UTS2B: variants seen among roughly 807,000 people sequenced by gnomAD.
The protein encoded by UTS2B is urotensin 2B, also known as urotensin-2B.
Under a neutral mutation model 19.2 loss-of-function variants are expected in UTS2B, and 21 were observed. The observed-to-expected ratio is 1.09, with a 90% CI of 0.78 to 1.58. UTS2B has a LOEUF of 1.58. UTS2B is among the 40% of genes most tolerant of loss of function. The pLI is 0.00. For synonymous variants in UTS2B, 57 were observed against 50.2 expected (o/e 1.14, Z -0.58); for missense variants, 138 against 130.3 (o/e 1.06, Z -0.29).
chr3:191,282,063 G>A (rs763233595), intron 5 of UTS2B, 24 bp downstream of exon 5: 2 of 1,518,770 alleles, frequency 1.3e-6, no homozygotes, highest in Admixed American at 3.7e-5. Flanking sequence ...CCACCTGTAG[G>A]ATTTTTAATT....
At position 191,267,204 on chromosome 3, in the gene UTS2B, A is replaced by G. The variant is rs1715958235; in HGVS notation, c.*1212T>C. ...ATGTTTTAATTAATAGTTCAACAGC[A>G]TAGTCACAACAGGACAAAACTTTAC... On this transcript the variant is annotated 3_prime_UTR_variant, in exon 9 of 9. Transcript: ENST00000340524. 1 of 152,260 alleles carries G rather than the reference A, an allele frequency of 6.6e-6. No individual in the cohort carries two copies. The highest frequency in any genetic ancestry group is 2.1e-4 in the South Asian group (1 of 4,836). The allele number at this position is 152,260 out of a possible 1,614,324, so 9.4% of individuals were successfully genotyped here. A position where few individuals can be genotyped will look rare whatever the true frequency, so the allele number is the denominator to read the frequency against.
At chr3:191,315,013 ATTTT>A (rs796258238) in intron 3 of UTS2B, among the ~76,000 whole-genome samples, 4 of 143,512 alleles carry the variant, frequency 2.8e-5, no homozygotes, top group African/African-American at 5.1e-5. Context: ...CCACCCTAGA[ATTTT>A]TTTTTTTTTT....
chr3:191,343,154 C>A, the UTS2B span, among the ~76,000 whole-genome samples: 3,916 of 152,202 alleles, frequency 0.026, 151 homozygotes, highest in African/African-American at 0.09. Flanking sequence ...GAGTATGCAC[C>A]TATTTTGGTA....
the UTS2B span, among the ~76,000 whole-genome samples, chr3:191,345,670 C>G: frequency 1.3e-5 from 2 of 152,136 alleles, no homozygotes; most frequent in Non-Finnish European, 2.9e-5. Context: ...TTAGCCATAA[C>G]ATATCTACTT....
At position 191,282,250 on chromosome 3, in the gene UTS2B, C is replaced by T; in HGVS notation, c.-61G>A. The T allele has an allele frequency of 7.6e-7, 1 of 1,310,460 alleles. No individual in the cohort carries two copies. The highest frequency in any genetic ancestry group is 1.1e-6 in the Non-Finnish European group (1 of 935,696). The allele number at this position is 1,310,460 out of a possible 1,614,324, so 81.2% of individuals were successfully genotyped here. On this transcript the variant is annotated 5_prime_UTR_variant, in exon 5 of 9. Coordinates refer to ENST00000340524, the MANE Select transcript of UTS2B (RefSeq NM_198152.5). ...ACTTTCCAGGTCAAGATGGATATTT[C>T]TATAGCTTTGGAATTCAGTAGAGCT...
At chr3:191,283,389 C>T (rs1454440030) in intron 4 of UTS2B, among the ~76,000 whole-genome samples, 1 of 152,170 alleles carries the variant, frequency 6.6e-6, no homozygotes, top group Non-Finnish European at 1.5e-5. Flanking sequence ...TGATCAAATG[C>T]CACCAGAACT....
chr3:191,291,731 C>T (rs1009322624), intron 4 of UTS2B, among the ~76,000 whole-genome samples: 4 of 152,126 alleles, frequency 2.6e-5, no homozygotes, highest in African/African-American at 9.7e-5. Flanking sequence ...GGATTACATG[C>T]GTGAGCCACC....
intron 8 of UTS2B, chr3:191,273,452 ATG>A: frequency 2.2e-6 from 1 of 456,552 alleles, no homozygotes; most frequent in Non-Finnish European, 4.4e-6. Context: ...AGTAGAAATG[ATG>A]TGTGTCCCTT....
intron 4 of UTS2B, among the ~76,000 whole-genome samples, chr3:191,290,268 C>T (rs770417686): frequency 1.3e-5 from 2 of 152,084 alleles, no homozygotes; most frequent in African/African-American, 2.4e-5. Context: ...TGTTTACTAT[C>T]GATTGTATTG....
intron 1 of UTS2B, chr3:191,329,387 C>T: frequency 2.5e-6 from 1 of 398,094 alleles, no homozygotes; most frequent in Non-Finnish European, 4.4e-6. Context: ...CTGGACGGCC[C>T]CGGTCCATTT....
intron 7 of UTS2B, among the ~76,000 whole-genome samples, chr3:191,276,296 A>C (rs1197374861): frequency 6.6e-6 from 1 of 152,178 alleles, no homozygotes; most frequent in Non-Finnish European, 1.5e-5. Flanking sequence ...TTGCAGAATA[A>C]TGGAATTGCA....
In UTS2B at chr3:191,318,540, C is replaced by T. The variant is rs139783769; in HGVS notation, c.-585-2101G>A. ...CTGGAGTACAGTGGCACAATCTCAG[C>T]TCACTGCAACCTCCACCTCTCCAGG... is the stretch of plus-strand genomic sequence containing the variant. On this transcript the variant is annotated intron_variant, in intron 2 of 8. Coordinates refer to ENST00000340524, the MANE Select transcript of UTS2B (RefSeq NM_198152.5). Among the ~76,000 whole-genome samples, 4 of 152,356 alleles carry T rather than the reference C, an allele frequency of 2.6e-5. No individual in the cohort carries two copies. The South Asian group carries it at 6.2e-4, about 24-fold the overall frequency.
chr3:191,344,167 C>T, the UTS2B span, among the ~76,000 whole-genome samples: 1 of 152,224 alleles, frequency 6.6e-6, no homozygotes, highest in South Asian at 2.1e-4. Flanking sequence ...TGCATGCATG[C>T]ACATGCAGAA....
At chr3:191,316,605 T>TTGG (rs1406380823) in intron 2 of UTS2B, among the ~76,000 whole-genome samples, 166 bp from the exon 3 acceptor site, 6 of 152,222 alleles carry the variant, frequency 3.9e-5, no homozygotes, top group Non-Finnish European at 4.4e-5. Flanking sequence ...AAAGAGCGGA[T>TTGG]TGGTCCATTT....
intron 8 of UTS2B, 103 bp downstream of exon 8, chr3:191,275,149 A>G (rs947215590): frequency 1.5e-5 from 12 of 811,084 alleles, no homozygotes; most frequent in African/African-American, 1.4e-4. Context: ...ATTGGTCACC[A>G]CCATAAGATT....
At chr3:191,334,745 A>T (rs4677630), upstream of UTS2B, among the ~76,000 whole-genome samples, 103,470 of 152,012 alleles carry the variant, frequency 0.68, 36,895 homozygotes, top group East Asian at 0.92. Context: ...TGTAGATGCG[A>T]AAGATTCATT....
intron 5 of UTS2B, among the ~76,000 whole-genome samples, chr3:191,278,573 T>C: frequency 6.6e-6 from 1 of 152,168 alleles, no homozygotes; most frequent in South Asian, 2.1e-4. Flanking sequence ...TTTTATCTGA[T>C]ATACACATTT....
At chr3:191,273,575 G>C (rs1161877067) in intron 8 of UTS2B, 1 of 456,758 alleles carries the variant, frequency 2.2e-6, no homozygotes, top group Non-Finnish European at 4.4e-6. Flanking sequence ...CTACAGAATA[G>C]AGTGGTGCTG....
At chr3:191,284,053 T>C (rs1191282846) in intron 4 of UTS2B, among the ~76,000 whole-genome samples, 1 of 152,100 alleles carries the variant, frequency 6.6e-6, no homozygotes, top group African/African-American at 2.4e-5. Context: ...AGATATAAAA[T>C]AATAAATCTA....
Sources: gnomAD v4.1 joint callset for allele counts (sites outside exome capture counted in the v4.1 genomes callset) on GRCh38, gnomAD v4.1.1 for gene constraint, MANE v1.5 for transcripts, NCBI Gene and HGNC (gene_info 2026-07-23, HGNC 2026-07-21) for gene names.